Variants in MANBA observed in about 807,000 individuals in gnomAD.
The protein encoded by MANBA is beta-mannosidase.
A neutral mutation model predicts 111.1 loss-of-function variants in MANBA; 83 were observed. That is an observed-to-expected ratio of 0.75 (90% CI 0.63 to 0.90). MANBA has a LOEUF of 0.90. Ranked by LOEUF, MANBA falls within the 40% of genes least tolerant of loss-of-function variation. The probability of loss-of-function intolerance (pLI) is 0.00; values close to 1 mark genes in which losing one functional copy is unlikely to be tolerated. For synonymous variants in MANBA, 370 were observed against 378.7 expected, an observed-to-expected ratio of 0.98 and a Z score of 0.27; for missense variants, 1,036 against 1,069.0, an observed-to-expected ratio of 0.97 and a Z score of 0.43.
chr4:102,633,772 G>A (rs1729493054), intron 16 of MANBA, among the ~76,000 whole-genome samples: 1 of 102,680 alleles, frequency 9.7e-6, no homozygotes, highest in Non-Finnish European at 2.0e-5. Context: ...CCAGTACATA[G>A]TGGTTTTTTT....
At chr4:102,639,564 G>T (rs1560741006) in intron 14 of MANBA, 149 bp downstream of exon 14, 2 of 1,033,296 alleles carry the variant, frequency 1.9e-6, no homozygotes, top group Non-Finnish European at 1.4e-6. Flanking sequence ...TTGGGTGGCT[G>T]TAGTTCCTAG....
intron 1 of MANBA, among the ~76,000 whole-genome samples, chr4:102,743,382 T>C (rs550067208): frequency 3.3e-5 from 5 of 152,292 alleles, no homozygotes; most frequent in South Asian, 2.1e-4. Context: ...ACTGAGAAGA[T>C]TTCCCTTCAC....
intron 11 of MANBA, among the ~76,000 whole-genome samples, chr4:102,664,365 T>C (rs1731109151): frequency 1.3e-5 from 2 of 152,062 alleles, no homozygotes; most frequent in African/African-American, 4.8e-5. Context: ...TTTTTTTTTT[T>C]TGAGACGGAG....
chr4:102,635,975 A>G lies in MANBA; in HGVS notation c.2047T>C (p.Phe683Leu). 3 of 1,613,876 alleles carry G rather than the reference A, an allele frequency of 1.9e-6. No homozygotes were observed. The highest frequency in any genetic ancestry group is 2.5e-6 in the Non-Finnish European group (3 of 1,179,726). Residue 683 changes from phenylalanine (F) to leucine (L), a missense_variant, in exon 15 of 17, where the codon TTT becomes CTT. Physicochemically the swap from Phe to Leu is conservative, Grantham distance 22. Transcript: ENST00000647097. ...YGGKWKMLHY[F>L]AQNFFAPLLP... ...AGTGGAGCAAAGAAATTCTGAGCAAAGTAATGAAGCATTTTCCACTTTCCT... is the reference window on the plus strand; with the variant it reads ...AGTGGAGCAAAGAAATTCTGAGCAAGGTAATGAAGCATTTTCCACTTTCCT...
chr4:102,658,285 TG>T lies in MANBA; in HGVS notation c.1486-386del, dbSNP rs112486326. On this transcript the variant is annotated intron_variant, in intron 11 of 16. Coordinates refer to ENST00000647097, the MANE Select transcript of MANBA (RefSeq NM_005908.4). ...CTGGGGTTGGGGGTGTCTTATGCAT[TG>T]TAGGATATTTAGTAGCATCCCTGGC... Among the ~76,000 whole-genome samples the T allele has an allele frequency of 8.5e-5, 13 of 152,248 alleles. 2 individuals carry two copies. Among genetic ancestry groups the T allele is most frequent in the African/African-American group, 3.1e-4 (13 of 41,550 alleles).
At chr4:102,760,007 A>T (rs1440814849) in intron 1 of MANBA, among the ~76,000 whole-genome samples, 2 of 152,166 alleles carry the variant, frequency 1.3e-5, no homozygotes, top group South Asian at 2.1e-4. Context: ...GATGGAAGTC[A>T]GTTTGCAAAC....
intron 2 of MANBA, among the ~76,000 whole-genome samples, 172 bp from the exon 3 acceptor site, chr4:102,724,139 C>T (rs1181002333): frequency 2.6e-5 from 4 of 152,222 alleles, no homozygotes; most frequent in African/African-American, 7.2e-5. Flanking sequence ...ATACTTACGT[C>T]CTTTGAGTGA....
chr4:102,673,886 A>T (rs767419228), intron 8 of MANBA, 33 bp downstream of exon 8: 120 of 1,585,056 alleles, frequency 7.6e-5, no homozygotes, highest in Non-Finnish European at 1.0e-4. Flanking sequence ...TGCTAATTAA[A>T]AGAAGAACAA....
chr4:102,667,609 G>T (rs1731284598), intron 10 of MANBA: 1 of 152,134 alleles, frequency 6.6e-6, no homozygotes, highest in Non-Finnish European at 1.5e-5. Context: ...TTTTGAAACA[G>T]TTTCATGAGG....
intron 16 of MANBA, among the ~76,000 whole-genome samples, chr4:102,632,800 AT>A (rs200108764): frequency 9.2e-5 from 14 of 152,220 alleles, no homozygotes; most frequent in South Asian, 2.1e-4. Flanking sequence ...CATTATTAGC[AT>A]TTTTTTTACA....
intron 5 of MANBA, among the ~76,000 whole-genome samples, chr4:102,705,960 G>A (rs1416821932): frequency 6.6e-6 from 1 of 152,182 alleles, no homozygotes; most frequent in Non-Finnish European, 1.5e-5. Context: ...AGTGTGCCCA[G>A]CCTGTTGCAG....
chr4:102,731,998 C>A (rs1373365924), intron 1 of MANBA, among the ~76,000 whole-genome samples: 1 of 152,078 alleles, frequency 6.6e-6, no homozygotes, highest in South Asian at 2.1e-4. Flanking sequence ...ACTTCAGCCT[C>A]CCAGGTTCAA....
At chr4:102,656,247 C>T (rs1730553244) in intron 12 of MANBA, among the ~76,000 whole-genome samples, 1 of 152,022 alleles carries the variant, frequency 6.6e-6, no homozygotes, top group Non-Finnish European at 1.5e-5. Context: ...AAGCAAGACC[C>T]TGTCTCTATT....
intron 12 of MANBA, among the ~76,000 whole-genome samples, chr4:102,656,955 G>A (rs1730582086): frequency 6.6e-6 from 1 of 152,082 alleles, no homozygotes; most frequent in Non-Finnish European, 1.5e-5. Flanking sequence ...GTTGCTAATG[G>A]GTTCAGGGTT....
At chr4:102,656,754 A>G (rs902617165) in intron 12 of MANBA, among the ~76,000 whole-genome samples, 5 of 152,246 alleles carry the variant, frequency 3.3e-5, no homozygotes, top group Non-Finnish European at 7.3e-5. Context: ...CAGCAATAAA[A>G]AAAAGGAACA....
intron 1 of MANBA, among the ~76,000 whole-genome samples, chr4:102,738,771 TA>T: frequency 1.3e-5 from 2 of 152,036 alleles, no homozygotes; most frequent in Middle Eastern, 6.8e-3. Context: ...AACTGCCAAA[TA>T]AACAATTCAG....
chr4:102,656,370 T>C (rs185007156), intron 12 of MANBA, among the ~76,000 whole-genome samples: 4 of 152,154 alleles, frequency 2.6e-5, no homozygotes, highest in Non-Finnish European at 4.4e-5. Context: ...ATCAAGGATA[T>C]GCAAATTTCC....
intron 5 of MANBA, among the ~76,000 whole-genome samples, chr4:102,709,317 AAG>A (rs1721921977): frequency 7.3e-6 from 1 of 137,888 alleles, no homozygotes; most frequent in East Asian, 2.0e-4. Flanking sequence ...GAAGGAAGAA[AAG>A]AAAAGAAAAA....
At chr4:102,735,489 C>A (rs1723186708) in intron 1 of MANBA, among the ~76,000 whole-genome samples, 5 of 126,868 alleles carry the variant, frequency 3.9e-5, no homozygotes, top group Admixed American at 7.8e-5. Context: ...GAAAAGTCTA[C>A]TAAAAATTTT....
Sources: allele counts gnomAD v4.1 joint callset (sites outside exome capture counted in the v4.1 genomes callset), GRCh38; gene constraint gnomAD v4.1.1; transcripts MANE v1.5; gene names NCBI Gene and HGNC (gene_info 2026-07-23, HGNC 2026-07-21).